Variants in GPM6B observed in about 807,000 individuals in gnomAD.
The protein encoded by GPM6B is glycoprotein M6B, also known as neuronal membrane glycoprotein M6-b.
GPM6B carries 4 observed loss-of-function variants against 27.2 expected under a neutral mutation model. The observed-to-expected ratio is 0.15, with a 90% confidence interval of 0.07 to 0.34. The LOEUF is 0.34. Among genes scored for constraint, GPM6B ranks in the 10% least tolerant of loss-of-function variants. The probability of loss-of-function intolerance (pLI) is 1.00; values close to 1 mark genes in which losing one functional copy is unlikely to be tolerated. For synonymous variants in GPM6B, 124 were observed against 103.1 expected, an observed-to-expected ratio of 1.20 and a Z score of -1.23; for missense variants, 183 against 261.9, an observed-to-expected ratio of 0.70 and a Z score of 2.08.
chrX:13,922,520 C>G (rs1289392994), intron 1 of GPM6B, among the ~76,000 whole-genome samples: 6 of 112,167 alleles, frequency 5.3e-5, no homozygotes, highest in Non-Finnish European at 1.1e-4. Flanking sequence ...GAGAGACTGC[C>G]AGGCGGAAAG....
chrX:13,837,856 CTTA>C (rs2049523655), intron 1 of GPM6B, among the ~76,000 whole-genome samples: 1 of 110,151 alleles, frequency 9.1e-6, no homozygotes, highest in Non-Finnish European at 1.9e-5. Context: ...GGCTTAAAAA[CTTA>C]TTAGAAAGTA....
chrX:13,878,929 G>A (rs1184458486), intron 1 of GPM6B, among the ~76,000 whole-genome samples: 2 of 111,956 alleles, frequency 1.8e-5, no homozygotes, highest in Non-Finnish European at 3.8e-5. Context: ...GGTGGAAAGG[G>A]CAAGGAAATG....
chrX:13,838,383 C>T (rs992131464), intron 1 of GPM6B, among the ~76,000 whole-genome samples: 3 of 112,263 alleles, frequency 2.7e-5, no homozygotes, highest in Non-Finnish European at 5.6e-5. Flanking sequence ...TTCCATGCCA[C>T]TAAATATTAA....
upstream of GPM6B, among the ~76,000 whole-genome samples, chrX:13,822,212 C>G (rs1054647362): frequency 1.8e-5 from 2 of 111,370 alleles, no homozygotes; most frequent in Admixed American, 9.5e-5. Context: ...CTTATTGCCC[C>G]TCAAAGGAAA....
chrX:13,780,054 A>G, intron 4 of GPM6B, 65 bp from the exon 5 acceptor site: 1 of 981,744 alleles, frequency 1.0e-6, no homozygotes, highest in East Asian at 3.1e-5. Flanking sequence ...CCCTAAGTGG[A>G]AGGATTGTGC....
intron 1 of GPM6B, among the ~76,000 whole-genome samples, chrX:13,808,611 G>A (rs973012603): frequency 1.8e-5 from 2 of 111,334 alleles, no homozygotes; most frequent in Non-Finnish European, 3.8e-5. Flanking sequence ...GTTTATCTCC[G>A]AGAATCCCAT....
At chrX:13,864,644 A>T (rs1433951229) in intron 1 of GPM6B, among the ~76,000 whole-genome samples, 2 of 112,630 alleles carry the variant, frequency 1.8e-5, no homozygotes, top group Non-Finnish European at 3.8e-5. Flanking sequence ...CTCATCGGTG[A>T]GCCCCACAGA....
chrX:13,813,173 G>A (rs2049169914), intron 1 of GPM6B, among the ~76,000 whole-genome samples: 1 of 110,749 alleles, frequency 9.0e-6, no homozygotes, highest in African/African-American at 3.3e-5. Flanking sequence ...TGTGTTATGT[G>A]TCCCTTTGGG....
intron 1 of GPM6B, among the ~76,000 whole-genome samples, chrX:13,927,118 A>C (rs1393592950): frequency 9.0e-6 from 1 of 110,682 alleles, no homozygotes; most frequent in Non-Finnish European, 1.9e-5. Context: ...AACCCAAATG[A>C]CCAATAACCT....
chrX:13,932,099 C>T, intron 1 of GPM6B, among the ~76,000 whole-genome samples: 1 of 112,285 alleles, frequency 8.9e-6, no homozygotes, highest in East Asian at 2.8e-4. Context: ...AAATCCCTTC[C>T]TGATTCTCTG....
At chrX:13,884,581 A>G (rs187388105) in intron 1 of GPM6B, among the ~76,000 whole-genome samples, 1 of 112,413 alleles carries the variant, frequency 8.9e-6, no homozygotes, top group African/African-American at 3.2e-5. Context: ...CTATCAATCG[A>G]TAATGCAAAC....
At chrX:13,857,484 T>A (rs984984136) in intron 1 of GPM6B, among the ~76,000 whole-genome samples, 3 of 112,366 alleles carry the variant, frequency 2.7e-5, no homozygotes, top group Non-Finnish European at 3.8e-5. Context: ...AGGTCTGAAT[T>A]TTCTTTCCTC....
chrX:13,937,921 G>A (rs953681426), intron 1 of GPM6B, among the ~76,000 whole-genome samples: 1 of 111,323 alleles, frequency 9.0e-6, no homozygotes, highest in African/African-American at 3.3e-5. Context: ...GGGACAAAGA[G>A]GAGAGACTCA....
intron 1 of GPM6B, among the ~76,000 whole-genome samples, chrX:13,862,041 G>A (rs1039375773): frequency 9.0e-5 from 10 of 110,958 alleles, no homozygotes; most frequent in African/African-American, 3.3e-4. Context: ...ATGAGTGTAC[G>A]AGTGAGCATG....
At chrX:13,891,429 A>AAC (rs1555927273) in intron 1 of GPM6B, among the ~76,000 whole-genome samples, 28 of 111,666 alleles carry the variant, frequency 2.5e-4, no homozygotes, top group African/African-American at 8.8e-4. Context: ...AAAAAAAACC[A>AAC]AACAACAACA....
At chrX:13,810,945 AAGTT>A (rs1443315982) in intron 1 of GPM6B, among the ~76,000 whole-genome samples, 2 of 111,911 alleles carry the variant, frequency 1.8e-5, no homozygotes, top group African/African-American at 6.5e-5. Flanking sequence ...ATTAAATATA[AAGTT>A]ATTTATAAAA....
chrX:13,931,989 T>C (rs1446323172), intron 1 of GPM6B, among the ~76,000 whole-genome samples: 1 of 112,547 alleles, frequency 8.9e-6, no homozygotes, highest in Non-Finnish European at 1.9e-5. Context: ...TAAACTTTTA[T>C]CTGGAATTTT....
intron 1 of GPM6B, among the ~76,000 whole-genome samples, chrX:13,932,720 G>A (rs1921636674): frequency 8.9e-6 from 1 of 111,897 alleles, no homozygotes; most frequent in East Asian, 2.8e-4. Flanking sequence ...ACACAAAGCT[G>A]CCATTGCCTT....
chrX:13,847,435 T>C (rs2049663446), intron 1 of GPM6B, among the ~76,000 whole-genome samples: 1 of 112,386 alleles, frequency 8.9e-6, no homozygotes, highest in African/African-American at 3.2e-5. Flanking sequence ...AACTCTAACA[T>C]AACATTAATC....
Sources: gnomAD v4.1 joint callset for allele counts (sites outside exome capture counted in the v4.1 genomes callset) on GRCh38, gnomAD v4.1.1 for gene constraint, MANE v1.5 for transcripts, NCBI Gene and HGNC (gene_info 2026-07-23, HGNC 2026-07-21) for gene names.